The following HSH2D variants were observed in gnomAD, a reference collection of about 807,000 sequenced individuals.
HSH2D encodes the protein hematopoietic SH2 domain-containing protein.
HSH2D carries 16 observed loss-of-function variants against 21.5 expected under a neutral mutation model. That is an observed-to-expected ratio of 0.74 (90% CI 0.50 to 1.13). The LOEUF is 1.13. Among genes scored for constraint, HSH2D ranks in the 50% most tolerant of loss-of-function variants. The pLI is 0.00. For synonymous variants in HSH2D, 172 were observed against 184.7 expected (o/e 0.93, Z 0.56); for missense variants, 418 against 441.4 (o/e 0.95, Z 0.47).
At chr19:16,148,635 A>G in intron 1 of HSH2D, 89 bp from the exon 2 acceptor site, 1 of 1,354,638 alleles carries the variant, frequency 7.4e-7, no homozygotes, top group Non-Finnish European at 1.0e-6. Flanking sequence ...GGACTTCTCA[A>G]AGGAGGAGGC....
At position 16,158,330 on chromosome 19, in the gene HSH2D, C is replaced by G. The variant is rs432781; in HGVS notation, c.*536C>G. 6.6e-6 allele frequency: 1 copy of G among 152,120 alleles called. No individual in the cohort carries two copies. Among genetic ancestry groups the G allele is most frequent in the East Asian group, 1.9e-4 (1 of 5,152 alleles). The allele number at this position is 152,120 out of a possible 1,614,324, so 9.4% of individuals were successfully genotyped here. A position where few individuals can be genotyped will look rare whatever the true frequency, so the allele number is the denominator to read the frequency against. ...GGCAGATCGCTTGAGGTCAGGAGTTCGAGACCAGCCTGGCCAACATGGTGA... is the reference window on the plus strand; with the variant it reads ...GGCAGATCGCTTGAGGTCAGGAGTTGGAGACCAGCCTGGCCAACATGGTGA... On this transcript the variant is annotated 3_prime_UTR_variant, in exon 6 of 6. Transcript: ENST00000613986.
chr19:16,140,905 G>A (rs1340440942), upstream of HSH2D, among the ~76,000 whole-genome samples: 1 of 151,946 alleles, frequency 6.6e-6, no homozygotes, highest in Non-Finnish European at 1.5e-5. Context: ...AAAAGAAGAA[G>A]AAAAAGAGAT....
At chr19:16,142,617 C>T (rs557937869), upstream of HSH2D, among the ~76,000 whole-genome samples, 1 of 152,212 alleles carries the variant, frequency 6.6e-6, no homozygotes, top group East Asian at 1.9e-4. Flanking sequence ...GCATGTGTCA[C>T]CACGCCGGGC....
Position 16,157,129 on chromosome 19 carries a change from G to T in HSH2D, c.475-81G>T. 1 of 1,192,836 alleles carries T rather than the reference G, an allele frequency of 8.4e-7. No homozygotes were observed. 73.9% of individuals were successfully genotyped at this position (1,192,836 alleles called of 1,614,324 possible). On this transcript the variant is annotated intron_variant, in intron 5 of 5. Transcript: ENST00000613986. This position sits in a 1 kb window ranked among gnomAD's most constrained non-coding sequence, Gnocchi z 4.4. ...TTCTCAGCCACAGGGTGTCTGGGTG[G>T]AACCCAGGCTCCAATTTCTGGGACA...
At chr19:16,143,275 G>A (rs1037966071), upstream of HSH2D, among the ~76,000 whole-genome samples, 1 of 151,946 alleles carries the variant, frequency 6.6e-6, no homozygotes, top group African/African-American at 2.4e-5. Context: ...ATAGAGACGG[G>A]GTTTTGCCAT....
chr19:16,151,072 C>G (rs967687893), intron 2 of HSH2D, among the ~76,000 whole-genome samples: 2 of 151,716 alleles, frequency 1.3e-5, no homozygotes, highest in Non-Finnish European at 2.9e-5. Context: ...GCCTGTAATC[C>G]CAGCACTTTG....
rs1428549989 is a variant in HSH2D, at chr19:16,145,039, T to G, written c.-28+1265T>G. ...TGGTGATGGGTTTTTTTTTTGGGGT[T>G]TTTTTTTTTTTTTTTGTGAGACAGA... On this transcript the variant is annotated intron_variant, in intron 1 of 5. Transcript: ENST00000613986. Among the ~76,000 whole-genome samples the G allele has an allele frequency of 1.7e-3, 191 of 112,050 alleles. 1 individual carries two copies. Among genetic ancestry groups the G allele is most frequent in the African/African-American group, 7.5e-3 (122 of 16,222 alleles). The allele number at this position is 112,050 out of a possible 152,430, so 73.5% of individuals were successfully genotyped here.
upstream of HSH2D, chr19:16,143,562 C>T (rs1193596741): frequency 2.0e-5 from 6 of 294,354 alleles, no homozygotes; most frequent in Admixed American, 1.4e-4. Context: ...GCTGTCTCTG[C>T]ACCTGTGGCA....
intron 4 of HSH2D, among the ~76,000 whole-genome samples, chr19:16,154,033 G>A (rs1401503866): frequency 6.8e-6 from 1 of 147,956 alleles, no homozygotes; most frequent in Admixed American, 6.7e-5. Flanking sequence ...CAGTGGGTGT[G>A]GCCTAGCTCC....
intron 2 of HSH2D, among the ~76,000 whole-genome samples, chr19:16,151,095 G>A (rs1388449070): frequency 1.3e-5 from 2 of 151,926 alleles, no homozygotes; most frequent in African/African-American, 2.4e-5. Flanking sequence ...AGGCCGAGGC[G>A]GGCGGATCAC....
intron 2 of HSH2D, among the ~76,000 whole-genome samples, chr19:16,151,094 C>A (rs1045220808): frequency 2.6e-5 from 4 of 151,918 alleles, no homozygotes; most frequent in African/African-American, 9.7e-5. Context: ...GAGGCCGAGG[C>A]GGGCGGATCA....
chr19:16,155,221 C>G (rs1330750893), intron 5 of HSH2D, among the ~76,000 whole-genome samples: 1 of 151,948 alleles, frequency 6.6e-6, no homozygotes, highest in East Asian at 1.9e-4. Flanking sequence ...GAAGTTATGA[C>G]AGTGGTACAA....
At chr19:16,145,101 C>A (rs1405480227) in intron 1 of HSH2D, among the ~76,000 whole-genome samples, 1 of 142,318 alleles carries the variant, frequency 7.0e-6, no homozygotes, top group Non-Finnish European at 1.5e-5. Context: ...TGCAGTGGTG[C>A]GATCTTGGCT....
At chr19:16,138,614 T>G (rs1160975441) in intron 1 of HSH2D, among the ~76,000 whole-genome samples, 1 of 151,372 alleles carries the variant, frequency 6.6e-6, no homozygotes, top group African/African-American at 2.4e-5. Flanking sequence ...TGCGCCACCA[T>G]GCCCAGCTAA....
At chr19:16,147,093 T>C (rs2091081797) in intron 1 of HSH2D, among the ~76,000 whole-genome samples, 1 of 152,150 alleles carries the variant, frequency 6.6e-6, no homozygotes, top group Admixed American at 6.6e-5. Flanking sequence ...CCCAAAGTGC[T>C]GGGATTACAG....
At chr19:16,143,901 C>T in intron 1 of HSH2D, 127 bp downstream of exon 1, 2 of 258,924 alleles carry the variant, frequency 7.7e-6, no homozygotes, top group Non-Finnish European at 1.7e-5. Flanking sequence ...TGGGGGAGAG[C>T]TTCGTGGAGG....
Position 16,148,818 on chromosome 19 carries a change from T to C in HSH2D, c.68T>C (p.Met23Thr). 6.2e-7 allele frequency: 1 copy of C among 1,611,412 alleles called. No homozygotes were observed. Among genetic ancestry groups the C allele is most frequent in the Non-Finnish European group, 8.5e-7 (1 of 1,178,410 alleles). ...CTGGACTGGTTTGTGCACACCCAGATGGGCCAGCTGGCCCAAGACGGGGTC... is the reference window on the plus strand; with the variant it reads ...CTGGACTGGTTTGTGCACACCCAGACGGGCCAGCTGGCCCAAGACGGGGTC... ...PRLDWFVHTQ[M>T]GQLAQDGVPE... Residue 23 changes from methionine (M) to threonine (T), a missense_variant, in exon 2 of 6, where the codon ATG becomes ACG. Physicochemically the swap from Met to Thr is moderately conservative, Grantham distance 81. Transcript: ENST00000613986.
chr19:16,143,382 T>TC (rs2091020536), upstream of HSH2D, among the ~76,000 whole-genome samples: 1 of 152,260 alleles, frequency 6.6e-6, no homozygotes, highest in East Asian at 1.9e-4. Flanking sequence ...CCGCACCCGT[T>TC]CCCCGTTCTC....
At chr19:16,153,375 C>T (rs1472200529) in intron 4 of HSH2D, among the ~76,000 whole-genome samples, 167 bp downstream of exon 4, 4 of 152,254 alleles carry the variant, frequency 2.6e-5, no homozygotes, top group East Asian at 3.8e-4. Context: ...CAGCGGTCTC[C>T]GTTGTGGTTC....
Sources: allele counts gnomAD v4.1 joint callset (sites outside exome capture counted in the v4.1 genomes callset), GRCh38; gene constraint gnomAD v4.1.1; non-coding constraint Gnocchi (gnomAD v3.1); transcripts MANE v1.5; gene names NCBI Gene and HGNC (gene_info 2026-07-23, HGNC 2026-07-21).